The following PCDH1 variants were observed in gnomAD, a reference collection of about 807,000 sequenced individuals.
PCDH1 encodes the protein protocadherin 1.
A neutral mutation model predicts 74.6 loss-of-function variants in PCDH1; 23 were observed. The ratio of observed to expected loss-of-function variants is 0.31; its 90% confidence interval spans 0.22 to 0.44. PCDH1 has a LOEUF of 0.44. Ranked by LOEUF, PCDH1 falls within the 20% of genes least tolerant of loss-of-function variation. The probability of loss-of-function intolerance (pLI) is 1.00; values close to 1 mark genes in which losing one functional copy is unlikely to be tolerated. For synonymous variants in PCDH1, 647 were observed against 686.1 expected (o/e 0.94, Z 0.89); for missense variants, 1,214 against 1,641.4 (o/e 0.74, Z 4.50).
intron 1 of PCDH1, among the ~76,000 whole-genome samples, chr5:141,873,648 C>T (rs1264465926): frequency 2.5e-4 from 36 of 145,338 alleles, no homozygotes; most frequent in African/African-American, 8.0e-4. Flanking sequence ...TTAGTAGAGA[C>T]GGGGTTTCAC....
intron 4 of PCDH1, among the ~76,000 whole-genome samples, chr5:141,857,051 C>A (rs950698205): frequency 4.6e-5 from 7 of 152,236 alleles, no homozygotes; most frequent in Non-Finnish European, 1.0e-4. Context: ...GTTTCCTCCA[C>A]TGTAAAGTGG....
At position 141,878,344 on chromosome 5, in the gene PCDH1, G is replaced by A; in HGVS notation, c.-82C>T. 2.8e-6 allele frequency: 3 copies of A among 1,060,624 alleles called. No homozygotes were observed. Among genetic ancestry groups the A allele is most frequent in the South Asian group, 4.5e-5 (1 of 22,258 alleles). 65.7% of individuals were successfully genotyped at this position (1,060,624 alleles called of 1,614,324 possible). A position where few individuals can be genotyped will look rare whatever the true frequency, so the allele number is the denominator to read the frequency against. Reference sequence around the variant, plus strand: ...CAGTTCGGGCTCCGGCTCCGGCTCCGGCTGGCTCTGGGCGCAGCAGCCCGG... The same window carrying A: ...CAGTTCGGGCTCCGGCTCCGGCTCCAGCTGGCTCTGGGCGCAGCAGCCCGG... On this transcript the variant is annotated 5_prime_UTR_variant, in exon 1 of 5. Coordinates refer to ENST00000287008, the MANE Select transcript of PCDH1 (RefSeq NM_032420.5). The surrounding 1 kb of genome is among the most constrained non-coding windows in gnomAD (Gnocchi z 5.5).
chr5:141,873,499 T>A (rs1322717757), intron 1 of PCDH1, among the ~76,000 whole-genome samples: 1 of 148,840 alleles, frequency 6.7e-6, no homozygotes, highest in Non-Finnish European at 1.5e-5. Context: ...CAGGCTGGAG[T>A]GCAGGGGCGC....
chr5:141,877,652 T>G (rs1339353816), intron 1 of PCDH1, among the ~76,000 whole-genome samples: 1 of 152,200 alleles, frequency 6.6e-6, no homozygotes, highest in Non-Finnish European at 1.5e-5. Flanking sequence ...GATTCTGAGC[T>G]GGCGACGGTG....
chr5:141,865,173 G>A lies in PCDH1; in HGVS notation c.1158C>T (p.Thr386=), dbSNP rs1168360095. Residue 386 remains threonine, a synonymous_variant, in exon 3 of 5, where the codon ACC becomes ACT. Transcript: ENST00000287008. The surrounding 1 kb of genome is among the most constrained non-coding windows in gnomAD (Gnocchi z 4.4). ...CTAGCCCTATGCCCCGGATCTCAAT[G>A]GTGGGGGCATTGTCATTCATGTCCT... ...TVKDMNDNAP[T]IEIRGIGLVT... is the part of the protein sequence containing the mutation. 9 of 1,614,124 alleles carry A rather than the reference G, an allele frequency of 5.6e-6. No individual in the cohort carries two copies. The highest frequency in any genetic ancestry group is 1.3e-5 in the African/African-American group (1 of 75,008).
At chr5:141,856,875 C>G (rs1752369363) in intron 4 of PCDH1, among the ~76,000 whole-genome samples, 4 of 152,304 alleles carry the variant, frequency 2.6e-5, no homozygotes, top group Admixed American at 2.0e-4. Context: ...ATTACGTGAG[C>G]TTTCTGGCCA....
In PCDH1 at chr5:141,876,297, C is replaced by G. The variant is rs74323435; in HGVS notation, c.40+1926G>C. On this transcript the variant is annotated intron_variant, in intron 1 of 4. Transcript: ENST00000287008. The stretch of plus-strand genomic sequence containing the variant: ...GGGGAGCCCTTGCGCCCCCCGCACC[C>G]AGGCCACCGCGGGGAATCCCTCCTC... 9.1e-4 allele frequency among the ~76,000 whole-genome samples: 138 copies of G among 152,310 alleles called. 1 individual carries two copies. The East Asian group carries it at 0.018, about 20-fold the overall frequency.
At chr5:141,857,135 G>T in intron 4 of PCDH1, 117 bp downstream of exon 4, 1 of 816,228 alleles carries the variant, frequency 1.2e-6, no homozygotes, top group Non-Finnish European at 1.8e-6. Context: ...CCTCAGCACG[G>T]TGATGATGAC....
At position 141,869,630 on chromosome 5, in the gene PCDH1, C is replaced by A. The variant is rs1342140895; in HGVS notation, c.41-199G>T. On this transcript the variant is annotated intron_variant, in intron 1 of 4. Coordinates refer to ENST00000287008, the MANE Select transcript of PCDH1 (RefSeq NM_032420.5). This position sits in a 1 kb window ranked among gnomAD's most constrained non-coding sequence, Gnocchi z 4.9. ...CCACAGCTGGGTGTAGCAGCAGTGTCTGCCCCAGCTGGAGGAGCCAGTAAG... is the reference window on the plus strand; with the variant it reads ...CCACAGCTGGGTGTAGCAGCAGTGTATGCCCCAGCTGGAGGAGCCAGTAAG... 3 of 1,534,068 alleles carry A rather than the reference C, an allele frequency of 2.0e-6. No homozygotes were observed. In the African/African-American group the frequency reaches 4.1e-5, roughly 21 times the overall value.
At chr5:141,860,960 A>G (rs1752540475) in intron 3 of PCDH1, among the ~76,000 whole-genome samples, 1 of 152,060 alleles carries the variant, frequency 6.6e-6, no homozygotes, top group South Asian at 2.1e-4. Flanking sequence ...TACTAAAAAT[A>G]CAAAATTAGC....
At chr5:141,860,191 T>G (rs1752510995) in intron 3 of PCDH1, among the ~76,000 whole-genome samples, 1 of 152,104 alleles carries the variant, frequency 6.6e-6, no homozygotes, top group African/African-American at 2.4e-5. Flanking sequence ...GGCAATATGG[T>G]GAAATAAATT....
At chr5:141,875,056 T>C (rs1753186806) in intron 1 of PCDH1, among the ~76,000 whole-genome samples, 1 of 152,208 alleles carries the variant, frequency 6.6e-6, no homozygotes, top group Non-Finnish European at 1.5e-5. Context: ...GAATTTACTT[T>C]TCTGAACCTG....
chr5:141,870,485 T>A (rs543485447), intron 1 of PCDH1, among the ~76,000 whole-genome samples: 1 of 152,262 alleles, frequency 6.6e-6, no homozygotes, highest in African/African-American at 2.4e-5. Flanking sequence ...CAGGTCTAAC[T>A]GGGACAGAGC....
chr5:141,855,864 G>A (rs938542294), intron 4 of PCDH1, among the ~76,000 whole-genome samples: 12 of 152,284 alleles, frequency 7.9e-5, no homozygotes, highest in African/African-American at 2.2e-4. Context: ...GCTGGGCAGC[G>A]GGGGTCTCCA....
rs1422200824 is a variant in PCDH1 at position 141,869,694 on chromosome 5, A to G, written c.41-263T>C. On this transcript the variant is annotated intron_variant, in intron 1 of 4. Transcript: ENST00000287008. The surrounding 1 kb of genome is among the most constrained non-coding windows in gnomAD (Gnocchi z 4.9). ...CTAGAGCAGCTCCCGCCCATGGAAC[A>G]CCCTCACCCACCTGACGCTCCCTGG... 42 of 1,505,202 alleles carry G rather than the reference A, an allele frequency of 2.8e-5. No homozygotes were observed. In the East Asian group the frequency reaches 3.5e-4, roughly 13 times the overall value. The allele number at this position is 1,505,202 out of a possible 1,614,324, so 93.2% of individuals were successfully genotyped here. A position where few individuals can be genotyped will look rare whatever the true frequency, so the allele number is the denominator to read the frequency against.
Position 141,863,535 on chromosome 5 carries a change from C to G in PCDH1, c.2796G>C (p.Gly932=). ...VKPVEDEDEA[G]LQKSLKFNLM... is the part of the protein sequence containing the mutation. ...GGTTGAACTTGAGGGACTTCTGCAG[C>G]CCGGCCTCATCCTCGTCCTCCACTG... Residue 932 remains glycine (G), a synonymous_variant, in exon 3 of 5, where the codon GGG becomes GGC. Transcript: ENST00000287008. The surrounding 1 kb of genome is among the most constrained non-coding windows in gnomAD (Gnocchi z 7.5). 6.2e-7 allele frequency: 1 copy of G among 1,614,054 alleles called. No individual in the cohort carries two copies. The highest frequency in any genetic ancestry group is 1.3e-5 in the African/African-American group (1 of 75,042).
Position 141,853,852 on chromosome 5 carries a change from G to GACTGGCCAGGCATCCAGCATGTGTCA in PCDH1, c.*189_*190insTGACACATGCTGGATGCCTGGCCAGT. 1 of 440,558 alleles carries GACTGGCCAGGCATCCAGCATGTGTCA rather than the reference G, an allele frequency of 2.3e-6. No individual in the cohort carries two copies. Among genetic ancestry groups the GACTGGCCAGGCATCCAGCATGTGTCA allele is most frequent in the East Asian group, 3.3e-5 (1 of 29,890 alleles). 27.3% of individuals were successfully genotyped at this position (440,558 alleles called of 1,614,324 possible). A position where few individuals can be genotyped will look rare whatever the true frequency, so the allele number is the denominator to read the frequency against. On this transcript the variant is annotated 3_prime_UTR_variant, in exon 5 of 5. Transcript: ENST00000287008. ...AAGGGGCCCCTGGGGGCTGGGAGAT[G>GACTGGCCAGGCATCCAGCATGTGTCA]GAAATGAGGGGAGAGGACCTGGACC...
Position 141,869,541 on chromosome 5 carries a change from C to G in PCDH1, c.41-110G>C. ...CCCTCTCCCACTGACACACGATTCT[C>G]CACAAGAGCAGTCAGTCCCAGCACA... On this transcript the variant is annotated intron_variant, in intron 1 of 4. Coordinates refer to ENST00000287008, the MANE Select transcript of PCDH1 (RefSeq NM_032420.5). The surrounding 1 kb of genome is among the most constrained non-coding windows in gnomAD (Gnocchi z 4.9). 1 of 1,541,616 alleles carries G rather than the reference C, an allele frequency of 6.5e-7. No homozygotes were observed. The highest frequency in any genetic ancestry group is 8.7e-7 in the Non-Finnish European group (1 of 1,149,734).
At chr5:141,877,580 T>A (rs758675892) in intron 1 of PCDH1, among the ~76,000 whole-genome samples, 64 of 152,098 alleles carry the variant, frequency 4.2e-4, no homozygotes, top group Non-Finnish European at 8.2e-4. Context: ...CCCGGTTGTG[T>A]TATTGCTCTG....
Sources: allele counts gnomAD v4.1 joint callset (sites outside exome capture counted in the v4.1 genomes callset), GRCh38; gene constraint gnomAD v4.1.1; non-coding constraint Gnocchi (gnomAD v3.1); transcripts MANE v1.5; gene names NCBI Gene and HGNC (gene_info 2026-07-23, HGNC 2026-07-21).